The following MBNL1 variants were observed in gnomAD, a reference collection of about 807,000 sequenced individuals.
MBNL1 encodes muscleblind like splicing regulator 1.
MBNL1 carries 8 observed loss-of-function variants against 42.2 expected under a neutral mutation model. That is an observed-to-expected ratio of 0.19 (90% CI 0.11 to 0.34). MBNL1 has a LOEUF of 0.34. Among genes scored for constraint, MBNL1 ranks in the 10% least tolerant of loss-of-function variants. MBNL1 has a pLI of 1.00. For synonymous variants in MBNL1, 169 were observed against 173.9 expected (o/e 0.97, Z 0.22); for missense variants, 309 against 495.3 (o/e 0.62, Z 3.57).
At chr3:152,373,275 C>G (rs910216703) in intron 2 of MBNL1, among the ~76,000 whole-genome samples, 3 of 146,978 alleles carry the variant, frequency 2.0e-5, no homozygotes, top group African/African-American at 7.5e-5. Context: ...GGCTCCCTGG[C>G]TTCAGTTCCC....
intron 2 of MBNL1, among the ~76,000 whole-genome samples, chr3:152,379,655 T>G (rs16864228): frequency 0.22 from 33,921 of 152,120 alleles, 3,992 homozygotes; most frequent in South Asian, 0.29. Context: ...TCTCAAAAAT[T>G]TTCTAAATGA....
intron 4 of MBNL1, among the ~76,000 whole-genome samples, chr3:152,438,887 A>T (rs930284482): frequency 2.0e-5 from 3 of 152,210 alleles, no homozygotes; most frequent in African/African-American, 4.8e-5. Context: ...AACAATGATG[A>T]CTGTTAAGGT....
At chr3:152,287,101 C>T (rs1173337705) in intron 1 of MBNL1, among the ~76,000 whole-genome samples, 1 of 151,774 alleles carries the variant, frequency 6.6e-6, no homozygotes, top group Non-Finnish European at 1.5e-5. Flanking sequence ...GCCTGTAGTC[C>T]CAGCTACTCA....
chr3:152,304,074 A>G (rs187106287), intron 2 of MBNL1, among the ~76,000 whole-genome samples: 3 of 152,310 alleles, frequency 2.0e-5, no homozygotes, highest in Non-Finnish European at 2.9e-5. Context: ...GGTGCTGAGA[A>G]CAGTTTTAAA....
chr3:152,355,042 T>G (rs938494673), intron 2 of MBNL1, among the ~76,000 whole-genome samples: 1 of 152,216 alleles, frequency 6.6e-6, no homozygotes, highest in African/African-American at 2.4e-5. Flanking sequence ...CTGTTATTCA[T>G]CATTATTCCT....
intron 2 of MBNL1, among the ~76,000 whole-genome samples, chr3:152,252,889 T>C (rs902478890): frequency 2.6e-5 from 4 of 152,110 alleles, no homozygotes; most frequent in African/African-American, 9.7e-5. Context: ...CTTCCCTATA[T>C]TCTACTCCAG....
chr3:152,363,646 A>G (rs1451010506), intron 2 of MBNL1, among the ~76,000 whole-genome samples: 1 of 152,160 alleles, frequency 6.6e-6, no homozygotes, highest in Non-Finnish European at 1.5e-5. Flanking sequence ...TAAGCTAGAA[A>G]CTTTCATTTA....
intron 2 of MBNL1, among the ~76,000 whole-genome samples, chr3:152,330,822 G>A (rs142168149): frequency 3.3e-5 from 5 of 152,138 alleles, no homozygotes; most frequent in African/African-American, 4.8e-5. Flanking sequence ...CTTTATTGTA[G>A]GTATGTATAG....
chr3:152,390,438 CCTT>C (rs1220005082), intron 2 of MBNL1, among the ~76,000 whole-genome samples: 1 of 151,926 alleles, frequency 6.6e-6, no homozygotes, highest in East Asian at 1.9e-4. Context: ...GATAACAATG[CCTT>C]CTTCTGGAAT....
At chr3:152,317,119 G>T (rs192470521) in intron 2 of MBNL1, among the ~76,000 whole-genome samples, 212 of 152,098 alleles carry the variant, frequency 1.4e-3, no homozygotes, top group Non-Finnish European at 2.3e-3. Flanking sequence ...ATGGTACCTT[G>T]GTTGTAGTTA....
intron 3 of MBNL1, 75 bp downstream of exon 3, chr3:152,415,186 G>A: frequency 7.4e-7 from 1 of 1,342,898 alleles, no homozygotes; most frequent in Non-Finnish European, 9.9e-7. Context: ...AGTGATTATT[G>A]CACCGGATCA....
chr3:152,393,907 T>C (rs947964312), intron 2 of MBNL1, among the ~76,000 whole-genome samples: 48 of 152,308 alleles, frequency 3.2e-4, no homozygotes, highest in African/African-American at 8.7e-4. Flanking sequence ...GTAGGAGATA[T>C]GAAATTATTT....
intron 2 of MBNL1, among the ~76,000 whole-genome samples, chr3:152,247,151 A>G (rs1427852599): frequency 2.6e-5 from 4 of 152,132 alleles, no homozygotes; most frequent in Non-Finnish European, 4.4e-5. Flanking sequence ...TGCCTGAAAG[A>G]AAGATTACAG....
intron 1 of MBNL1, among the ~76,000 whole-genome samples, chr3:152,275,514 T>A (rs2044468514): frequency 6.6e-6 from 1 of 151,836 alleles, no homozygotes; most frequent in South Asian, 2.1e-4. Context: ...ATTGAGGCCG[T>A]CTTGGCCAAC....
chr3:152,244,961 T>C (rs1460620664), intron 2 of MBNL1, among the ~76,000 whole-genome samples: 1 of 152,128 alleles, frequency 6.6e-6, no homozygotes, highest in East Asian at 1.9e-4. Flanking sequence ...CATCACTTTA[T>C]GATGATATTT....
intron 2 of MBNL1, among the ~76,000 whole-genome samples, chr3:152,250,574 A>G (rs1443147848): frequency 6.6e-6 from 1 of 151,976 alleles, no homozygotes; most frequent in Non-Finnish European, 1.5e-5. Flanking sequence ...AACAGGGACA[A>G]TTTGACTTCC....
intron 3 of MBNL1, among the ~76,000 whole-genome samples, chr3:152,416,994 T>C (rs1400177788): frequency 6.6e-6 from 1 of 152,256 alleles, no homozygotes; most frequent in Non-Finnish European, 1.5e-5. Flanking sequence ...GATTTGAATG[T>C]GGAATTACCC....
chr3:152,291,152 A>G (rs1345855494), intron 1 of MBNL1, among the ~76,000 whole-genome samples: 1 of 152,204 alleles, frequency 6.6e-6, no homozygotes, highest in Non-Finnish European at 1.5e-5. Flanking sequence ...TAGAACAATT[A>G]AGTAGCATTC....
chr3:152,328,766 AC>A (rs528337587), intron 2 of MBNL1, among the ~76,000 whole-genome samples: 2 of 152,318 alleles, frequency 1.3e-5, no homozygotes, highest in Non-Finnish European at 2.9e-5. Context: ...TCTAAAACTT[AC>A]ACTGAATTTA....
Sources: allele counts gnomAD v4.1 joint callset (sites outside exome capture counted in the v4.1 genomes callset), GRCh38; gene constraint gnomAD v4.1.1; transcripts MANE v1.5; gene names NCBI Gene and HGNC (gene_info 2026-07-23, HGNC 2026-07-21).